KDM1B: variants seen among roughly 807,000 people sequenced by gnomAD.
KDM1B encodes lysine demethylase 1B.
A neutral mutation model predicts 107.4 loss-of-function variants in KDM1B; 63 were observed. The ratio of observed to expected loss-of-function variants is 0.59; its 90% CI spans 0.48 to 0.72. The LOEUF (loss-of-function observed/expected upper bound fraction) is 0.72. Among genes scored for constraint, KDM1B ranks in the 30% least tolerant of loss-of-function variants. The probability of loss-of-function intolerance (pLI) is 0.00; values close to 1 mark genes in which losing one functional copy is unlikely to be tolerated. For synonymous variants in KDM1B, 363 were observed against 363.9 expected, an observed-to-expected ratio of 1.00 and a Z score of 0.03; for missense variants, 749 against 1,020.8, an observed-to-expected ratio of 0.73 and a Z score of 3.63.
intron 7 of KDM1B, among the ~76,000 whole-genome samples, chr6:18,185,547 C>T (rs1160753254): frequency 6.6e-6 from 1 of 152,130 alleles, no homozygotes; most frequent in Non-Finnish European, 1.5e-5. Context: ...GGTGATCCAC[C>T]CACCTTGACC....
At chr6:18,207,642 C>T in intron 16 of KDM1B, 113 bp downstream of exon 16, 1 of 1,301,790 alleles carries the variant, frequency 7.7e-7, no homozygotes, top group Non-Finnish European at 1.1e-6. Flanking sequence ...TAGCCAGGGT[C>T]TAGAAGTACT....
intron 2 of KDM1B, among the ~76,000 whole-genome samples, chr6:18,157,445 A>G: frequency 6.6e-6 from 1 of 152,168 alleles, no homozygotes; most frequent in East Asian, 1.9e-4. Context: ...ATGTTTGATG[A>G]AATTTCAGGA....
intron 8 of KDM1B, 109 bp downstream of exon 8, chr6:18,185,919 A>T (rs970991717): frequency 6.7e-6 from 7 of 1,044,432 alleles, no homozygotes; most frequent in Non-Finnish European, 1.0e-5. Context: ...TTGGTTGCTG[A>T]TCAGTGACTT....
chr6:18,162,855 C>G lies in KDM1B; in HGVS notation c.236C>G (p.Thr79Ser). 6.2e-7 allele frequency: 1 copy of G among 1,609,630 alleles called. No homozygotes were observed. The highest frequency in any genetic ancestry group is 8.5e-7 in the Non-Finnish European group (1 of 1,175,942). The change falls in exon 5 of 22, where the codon ACC becomes AGC. Residue 79 changes from threonine (T) to serine (S), a missense_variant. Physicochemically the swap from Thr to Ser is moderately conservative, Grantham distance 58 (BLOSUM62 1). Transcript: ENST00000650836. This position sits in a 1 kb window ranked among gnomAD's most constrained non-coding sequence, Gnocchi z 4.1. ...TTCAGATGTGCCAAAAATGGCTACA[C>G]CTCCCGATGGTATCATCTCTCCTGT... ...ASERCAKNGY[T>S]SRWYHLSCGE...
Position 18,200,561 on chromosome 6 carries a change from A to G in KDM1B, c.1344A>G (p.Ala448=). The change falls in exon 13 of 22, where the codon GCA becomes GCG. Residue 448 remains alanine (A), a synonymous_variant. Transcript: ENST00000650836. The surrounding 1 kb of genome is among the most constrained non-coding windows in gnomAD (Gnocchi z 4.3). ...IVNGCINNPV[A]LMCEQLGISM... is the part of the protein sequence containing the mutation. ...ATGGGTGTATTAACAACCCAGTAGC[A>G]TTAATGTGTGAACAAGTGAGTTTCT... 1 of 1,612,188 alleles carries G rather than the reference A, an allele frequency of 6.2e-7. No individual in the cohort carries two copies. The highest frequency in any genetic ancestry group is 8.5e-7 in the Non-Finnish European group (1 of 1,179,434).
intron 2 of KDM1B, among the ~76,000 whole-genome samples, chr6:18,157,241 C>A (rs903281144): frequency 6.6e-6 from 1 of 152,138 alleles, no homozygotes; most frequent in Non-Finnish European, 1.5e-5. Flanking sequence ...ATATAAATTA[C>A]ATCAAGTGCC....
chr6:18,222,123 T>C lies in KDM1B; in HGVS notation c.*131T>C. 2 of 833,144 alleles carry C rather than the reference T, an allele frequency of 2.4e-6. No individual in the cohort carries two copies. Among genetic ancestry groups the C allele is most frequent in the Non-Finnish European group, 4.1e-6 (2 of 485,608 alleles). The allele number at this position is 833,144 out of a possible 1,614,324, so 51.6% of individuals were successfully genotyped here. On this transcript the variant is annotated 3_prime_UTR_variant, in exon 22 of 22. Coordinates refer to ENST00000650836, the MANE Select transcript of KDM1B (RefSeq NM_001364614.2). ...AAACTGAAATGTTTCTAAGGCGATA[T>C]GATAATGCAAACCTATTTCATCACT...
chr6:18,173,090 CAAA>C (rs70974708), intron 7 of KDM1B, among the ~76,000 whole-genome samples: 6 of 126,418 alleles, frequency 4.7e-5, no homozygotes, highest in African/African-American at 6.0e-5. Flanking sequence ...AACTCCATCT[CAAA>C]AAAAAAAAAA....
In KDM1B at chr6:18,157,808, C is replaced by CTTTT. The variant is rs67631382; in HGVS notation, c.-14+1901_-14+1904dup. ...GTATAACAATTATAGGTAGATAGTC[C>CTTTT]TTTTTTTTTTTTTTTTTTTTTTGAG... On this transcript the variant is annotated intron_variant, in intron 2 of 21. Transcript: ENST00000650836. Among the ~76,000 whole-genome samples the CTTTT allele has an allele frequency of 5.4e-3, 619 of 115,494 alleles. 9 individuals carry two copies. Among genetic ancestry groups the CTTTT allele is most frequent in the East Asian group, 0.011 (37 of 3,498 alleles). 75.8% of individuals were successfully genotyped at this position (115,494 alleles called of 152,430 possible). A position where few individuals can be genotyped will look rare whatever the true frequency, so the allele number is the denominator to read the frequency against.
rs1334032790 is a variant in KDM1B, at chr6:18,204,448, T to G, written c.1532-1089T>G. Among the ~76,000 whole-genome samples the G allele has an allele frequency of 6.6e-6, 1 of 152,090 alleles. No homozygotes were observed. Among genetic ancestry groups the G allele is most frequent in the African/African-American group, 2.4e-5 (1 of 41,398 alleles). Reference sequence around the variant, plus strand: ...GGAATGGCACCACAGCACTCCAGCCTGGGTGACATGGTGAGACCCTATCTC... The same window carrying G: ...GGAATGGCACCACAGCACTCCAGCCGGGGTGACATGGTGAGACCCTATCTC... On this transcript the variant is annotated intron_variant, in intron 14 of 21. Coordinates refer to ENST00000650836, the MANE Select transcript of KDM1B (RefSeq NM_001364614.2). This position sits in a 1 kb window ranked among gnomAD's most constrained non-coding sequence, Gnocchi z 4.9.
rs557554864 is a variant in KDM1B, at chr6:18,207,983, C to G, written c.1792-149C>G. On this transcript the variant is annotated intron_variant, in intron 16 of 21. Transcript: ENST00000650836. ...AGTATAAATTCTAACTCCCTCAGTT[C>G]AGCTATAACAATTGTTTAGATCTCT... 10 of 672,294 alleles carry G rather than the reference C, an allele frequency of 1.5e-5. No homozygotes were observed. In the Admixed American group the frequency reaches 2.4e-4, roughly 16 times the overall value. 41.6% of individuals were successfully genotyped at this position (672,294 alleles called of 1,614,324 possible).
intron 2 of KDM1B, among the ~76,000 whole-genome samples, chr6:18,157,162 A>G (rs918347682): frequency 1.3e-5 from 2 of 152,208 alleles, no homozygotes; most frequent in Admixed American, 6.5e-5. Context: ...AAAATCAAGA[A>G]GGAAGACATT....
intron 9 of KDM1B, 137 bp downstream of exon 9, chr6:18,188,139 C>A (rs1259076644): frequency 5.1e-6 from 4 of 777,378 alleles, no homozygotes; most frequent in Non-Finnish European, 8.3e-6. Context: ...AATCCCAGCA[C>A]TTTGGGTGGC....
At position 18,205,174 on chromosome 6, in the gene KDM1B, T is replaced by C. The variant is rs147901290; in HGVS notation, c.1532-363T>C. Among the ~76,000 whole-genome samples the C allele has an allele frequency of 9.8e-3, 1,494 of 152,232 alleles. 24 individuals are homozygous for C. Among genetic ancestry groups the C allele is most frequent in the African/African-American group, 0.033 (1,384 of 41,528 alleles). ...AAGAGAATGGTAACTTCTGTGTGTG[T>C]GCATGTACATCTATGTGTGGGGACA... On this transcript the variant is annotated intron_variant, in intron 14 of 21. Coordinates refer to ENST00000650836, the MANE Select transcript of KDM1B (RefSeq NM_001364614.2). The surrounding 1 kb of genome is among the most constrained non-coding windows in gnomAD (Gnocchi z 5.7).
intron 6 of KDM1B, among the ~76,000 whole-genome samples, chr6:18,169,263 C>T (rs1233174216): frequency 6.9e-5 from 9 of 130,748 alleles, no homozygotes; most frequent in South Asian, 2.4e-4. Context: ...GATGGAGTTT[C>T]GCTCTTGTCA....
In KDM1B at chr6:18,171,270, A is replaced by G. The variant is rs1785646716; in HGVS notation, c.418-93A>G. ...GGAGAAAAAATACTTAGGATTGCTA[A>G]CAGGTTGGAGAAGATGACCAAGTGG... On this transcript the variant is annotated intron_variant, in intron 6 of 21. Coordinates refer to ENST00000650836, the MANE Select transcript of KDM1B (RefSeq NM_001364614.2). 5 of 766,920 alleles carry G rather than the reference A, an allele frequency of 6.5e-6. No homozygotes were observed. The South Asian group carries it at 6.9e-5, about 11-fold the overall frequency. 47.5% of individuals were successfully genotyped at this position (766,920 alleles called of 1,614,324 possible).
chr6:18,187,865 C>T lies in KDM1B; in HGVS notation c.647C>T (p.Ala216Val), dbSNP rs1374929396. 2 of 1,550,226 alleles carry T rather than the reference C, an allele frequency of 1.3e-6. No homozygotes were observed. The highest frequency in any genetic ancestry group is 1.7e-6 in the Non-Finnish European group (2 of 1,146,862). Reference protein sequence around the residue: ...ILPPLLKDSVAAPLLSAYYPD... With the variant: ...ILPPLLKDSVVAPLLSAYYPD... ...CCTCCTTTGCTGAAAGACAGTGTGG[C>T]AGCGCCCCTGCTGTCTGCCTACTAC... Residue 216 changes from alanine (A) to valine (V), a missense_variant, in exon 9 of 22, where the codon GCA becomes GTA. Transcript: ENST00000650836.
chr6:18,194,326 C>T (rs1176592610), intron 10 of KDM1B, among the ~76,000 whole-genome samples: 4 of 151,638 alleles, frequency 2.6e-5, no homozygotes, highest in African/African-American at 9.7e-5. Flanking sequence ...CTGGTTCCCC[C>T]ATCCCCCCAA....
intron 21 of KDM1B, among the ~76,000 whole-genome samples, chr6:18,221,512 C>T (rs1187427019): frequency 6.6e-6 from 1 of 152,120 alleles, no homozygotes; most frequent in Non-Finnish European, 1.5e-5. Flanking sequence ...TAACTCTCTA[C>T]CTATTTTTTT....
Sources: gnomAD v4.1 joint callset for allele counts (sites outside exome capture counted in the v4.1 genomes callset) on GRCh38, gnomAD v4.1.1 for gene constraint, Gnocchi (gnomAD v3.1) non-coding constraint, MANE v1.5 for transcripts, NCBI Gene and HGNC (gene_info 2026-07-23, HGNC 2026-07-21) for gene names.